Variants in BABAM2 observed in about 807,000 individuals in gnomAD.
BABAM2 encodes the protein BRISC and BRCA1 A complex member 2, also known as BRISC and BRCA1-A complex member 2.
A neutral mutation model predicts 54.7 loss-of-function variants in BABAM2; 31 were observed. That is an observed-to-expected ratio of 0.57 (90% CI 0.43 to 0.77). The LOEUF is 0.77. Ranked by LOEUF, BABAM2 falls within the 30% of genes least tolerant of loss-of-function variation. The pLI is 0.00. For synonymous variants in BABAM2, 167 were observed against 162.9 expected, an observed-to-expected ratio of 1.03 and a Z score of -0.19; for missense variants, 364 against 455.8, an observed-to-expected ratio of 0.80 and a Z score of 1.83.
intron 5 of BABAM2, among the ~76,000 whole-genome samples, chr2:28,032,060 A>G (rs1239027742): frequency 6.6e-6 from 1 of 152,232 alleles, no homozygotes; most frequent in Non-Finnish European, 1.5e-5. Flanking sequence ...CCTGATCTGA[A>G]TGGAAATTCA....
intron 6 of BABAM2, among the ~76,000 whole-genome samples, chr2:28,079,717 A>G (rs1664999074): frequency 6.6e-6 from 1 of 152,180 alleles, no homozygotes; most frequent in South Asian, 2.1e-4. Flanking sequence ...ATTAAGGAAC[A>G]TAATTCTCTG....
chr2:28,117,052 G>A (rs886435090), intron 6 of BABAM2, among the ~76,000 whole-genome samples: 1 of 152,212 alleles, frequency 6.6e-6, no homozygotes, highest in Non-Finnish European at 1.5e-5. Context: ...GGAGCAGTGA[G>A]TGCAAGGTGT....
intron 7 of BABAM2, among the ~76,000 whole-genome samples, chr2:28,153,902 G>T (rs1672292527): frequency 1.3e-5 from 2 of 152,308 alleles, no homozygotes; most frequent in Non-Finnish European, 2.9e-5. Flanking sequence ...GGTCTATCTT[G>T]ATTTGAATTC....
intron 10 of BABAM2, among the ~76,000 whole-genome samples, chr2:28,255,440 A>G (rs1426010868): frequency 6.6e-6 from 1 of 151,938 alleles, no homozygotes; most frequent in Non-Finnish European, 1.5e-5. Flanking sequence ...TGCCCGGCTA[A>G]TTTTTGTATT....
chr2:28,189,385 G>A (rs999468771), intron 7 of BABAM2, among the ~76,000 whole-genome samples: 1 of 152,102 alleles, frequency 6.6e-6, no homozygotes, highest in Non-Finnish European at 1.5e-5. Context: ...GTTTTGTGGT[G>A]CAATTAGAAT....
Position 28,217,395 on chromosome 2 carries a change from G to T in BABAM2, c.681-19807G>T, listed in dbSNP as rs1176368213. Among the ~76,000 whole-genome samples, 10 of 152,218 alleles carry T rather than the reference G, an allele frequency of 6.6e-5. No homozygotes were observed. The South Asian group carries it at 1.9e-3, about 28-fold the overall frequency. ...TCAAAAGTACTGTATGGGTCAGTTT[G>T]TTCAACAAGAGCATTTCTGAGCATC... On this transcript the variant is annotated intron_variant, in intron 7 of 11. Transcript: ENST00000379624.
chr2:28,327,237 C>T (rs1351724719), intron 11 of BABAM2: 2 of 1,568,114 alleles, frequency 1.3e-6, no homozygotes, highest in Non-Finnish European at 1.7e-6. Flanking sequence ...GCCAGCTGGC[C>T]CTCCCTTCTC....
chr2:28,171,971 T>C, intron 7 of BABAM2, among the ~76,000 whole-genome samples: 1 of 152,202 alleles, frequency 6.6e-6, no homozygotes, highest in East Asian at 1.9e-4. Flanking sequence ...TTATATGCTA[T>C]TCAGAGTTTA....
intron 7 of BABAM2, among the ~76,000 whole-genome samples, chr2:28,223,175 T>A (rs1020662774): frequency 1.3e-5 from 2 of 152,228 alleles, no homozygotes; most frequent in Non-Finnish European, 2.9e-5. Flanking sequence ...ATCAAATGTT[T>A]TTGAAATGAT....
chr2:28,004,148 CTT>C (rs1374407172), intron 4 of BABAM2, among the ~76,000 whole-genome samples: 4 of 141,156 alleles, frequency 2.8e-5, no homozygotes, highest in African/African-American at 1.0e-4. Flanking sequence ...AAAAAAAACA[CTT>C]AGCCATTAAA....
chr2:28,330,004 C>T (rs989627110), intron 11 of BABAM2, among the ~76,000 whole-genome samples: 9 of 152,140 alleles, frequency 5.9e-5, no homozygotes, highest in Non-Finnish European at 1.3e-4. Flanking sequence ...CAGCTTCATC[C>T]CCAGGATGCA....
chr2:28,227,223 TG>T (rs1680968378), intron 7 of BABAM2, among the ~76,000 whole-genome samples: 1 of 152,178 alleles, frequency 6.6e-6, no homozygotes, highest in Non-Finnish European at 1.5e-5. Context: ...TTCTTTCCTT[TG>T]CAGTTCACCA....
At chr2:28,046,367 G>A (rs770839805) in intron 6 of BABAM2, among the ~76,000 whole-genome samples, 1 of 152,190 alleles carries the variant, frequency 6.6e-6, no homozygotes, top group Non-Finnish European at 1.5e-5. Context: ...GACTGAGGCA[G>A]GAGAATCGCT....
At chr2:28,061,584 CAAA>C (rs397871191) in intron 6 of BABAM2, among the ~76,000 whole-genome samples, 2 of 54,080 alleles carry the variant, frequency 3.7e-5, no homozygotes, top group Non-Finnish European at 7.9e-5. Flanking sequence ...GACTCTGTCT[CAAA>C]AAAAAAAAAA....
chr2:27,972,925 C>G (rs1671327861), intron 3 of BABAM2, among the ~76,000 whole-genome samples: 1 of 151,726 alleles, frequency 6.6e-6, no homozygotes, highest in Non-Finnish European at 1.5e-5. Context: ...CACCCCCACA[C>G]CTGGATGATT....
rs921726790 is a variant in BABAM2, at chr2:28,207,407, C to G, written c.681-29795C>G. On this transcript the variant is annotated intron_variant, in intron 7 of 11. Coordinates refer to ENST00000379624, the MANE Select transcript of BABAM2 (RefSeq NM_199191.3). ...AAAACAGCAGCAGCAACAACAACAACAACATTAGCTAGGAGTGATGGCGTG... is the reference window on the plus strand; with the variant it reads ...AAAACAGCAGCAGCAACAACAACAAGAACATTAGCTAGGAGTGATGGCGTG... 4.0e-5 allele frequency among the ~76,000 whole-genome samples: 6 copies of G among 151,320 alleles called. No individual in the cohort carries two copies. The East Asian group carries it at 9.7e-4, about 25-fold the overall frequency.
chr2:27,968,714 A>C (rs1337512548), intron 3 of BABAM2, among the ~76,000 whole-genome samples: 2 of 152,228 alleles, frequency 1.3e-5, no homozygotes, highest in Admixed American at 1.3e-4. Flanking sequence ...GAGCTGTCCA[A>C]GACCATGGGA....
At chr2:28,065,118 G>T (rs774550786) in intron 6 of BABAM2, among the ~76,000 whole-genome samples, 97 of 152,028 alleles carry the variant, frequency 6.4e-4, no homozygotes, top group Non-Finnish European at 1.1e-3. Context: ...AATCAAGGCG[G>T]TTTAACTTTA....
At chr2:28,246,627 C>T (rs751992306) in intron 10 of BABAM2, among the ~76,000 whole-genome samples, 2 of 152,172 alleles carry the variant, frequency 1.3e-5, no homozygotes, top group Non-Finnish European at 2.9e-5. Flanking sequence ...CCTTCATCTC[C>T]AAGTGACATA....
Sources: gnomAD v4.1 joint callset for allele counts (sites outside exome capture counted in the v4.1 genomes callset) on GRCh38, gnomAD v4.1.1 for gene constraint, MANE v1.5 for transcripts, NCBI Gene and HGNC (gene_info 2026-07-23, HGNC 2026-07-21) for gene names.